Variants in PCDH15 observed in about 807,000 individuals in gnomAD.
The protein encoded by PCDH15 is protocadherin related 15, also known as protocadherin-15.
Under a neutral mutation model 178.5 loss-of-function variants are expected in PCDH15, and 129 were observed. The ratio of observed to expected loss-of-function variants is 0.72; its 90% CI spans 0.63 to 0.84. The LOEUF is 0.84. Among genes scored for constraint, PCDH15 ranks in the 40% least tolerant of loss-of-function variants. The probability of loss-of-function intolerance (pLI) is 0.00; values close to 1 mark genes in which losing one functional copy is unlikely to be tolerated. For missense variants in PCDH15, 2,230 were observed against 2,099.9 expected (o/e 1.06, Z -1.21); for synonymous variants, 800 against 732.0 (o/e 1.09, Z -1.50).
At chr10:54,095,472 T>C (rs2094684775) in intron 15 of PCDH15, among the ~76,000 whole-genome samples, 3 of 151,858 alleles carry the variant, frequency 2.0e-5, no homozygotes, top group African/African-American at 7.2e-5. Flanking sequence ...ATATGAAACT[T>C]GGAAATGTAG....
chr10:54,391,440 C>T (rs542680398), intron 3 of PCDH15, among the ~76,000 whole-genome samples: 1 of 152,034 alleles, frequency 6.6e-6, no homozygotes, highest in South Asian at 2.1e-4. Context: ...GGTGTACCAG[C>T]AAGAAAATGT....
At chr10:55,604,744 C>T (rs1308648807) in intron 2 of PCDH15, among the ~76,000 whole-genome samples, 2 of 136,350 alleles carry the variant, frequency 1.5e-5, no homozygotes, top group African/African-American at 5.7e-5. Context: ...GCATTCAAAG[C>T]AGTGTGTAGA....
At chr10:54,766,032 T>C (rs1201938192) in intron 1 of PCDH15, among the ~76,000 whole-genome samples, 1 of 147,794 alleles carries the variant, frequency 6.8e-6, no homozygotes. Flanking sequence ...TGTAATAAGA[T>C]GTGCAGTGTC....
chr10:55,071,480 A>G lies in PCDH15; in HGVS notation c.-80+95096T>C, dbSNP rs1841745176. Among the ~76,000 whole-genome samples the G allele has an allele frequency of 2.6e-5, 4 of 152,258 alleles. No homozygotes were observed. In the South Asian group the frequency reaches 8.3e-4, roughly 32 times the overall value. Reference sequence around the variant, plus strand: ...TGATAAAACAGACTTTAAACCAACAAAGATAAAAAGAGACAAAGAAGGCCA... The same window carrying G: ...TGATAAAACAGACTTTAAACCAACAGAGATAAAAAGAGACAAAGAAGGCCA... On this transcript the variant is annotated intron_variant, in intron 2 of 5. Transcript: ENST00000458638.
At chr10:53,927,780 T>A (rs1174061200) in intron 25 of PCDH15, among the ~76,000 whole-genome samples, 1 of 152,114 alleles carries the variant, frequency 6.6e-6, no homozygotes, top group Non-Finnish European at 1.5e-5. Flanking sequence ...TCTGCTATCA[T>A]CCACACAGCA....
intron 26 of PCDH15, among the ~76,000 whole-genome samples, chr10:53,893,181 G>GA (rs538795843): frequency 2.7e-4 from 40 of 148,082 alleles, no homozygotes; most frequent in African/African-American, 4.9e-4. Context: ...AGTTGTTCAG[G>GA]AAAAAAAAAA....
chr10:54,807,655 C>G (rs1564526371), intron 3 of PCDH15, among the ~76,000 whole-genome samples: 1 of 149,196 alleles, frequency 6.7e-6, no homozygotes, highest in African/African-American at 2.4e-5. Flanking sequence ...AAAACTATTA[C>G]TACATACAAG....
intron 3 of PCDH15, among the ~76,000 whole-genome samples, chr10:54,395,405 C>T (rs1398295198): frequency 2.1e-5 from 3 of 145,538 alleles, no homozygotes; most frequent in African/African-American, 7.5e-5. Context: ...ACTATTATTC[C>T]TGTCTATCTC....
intron 8 of PCDH15, among the ~76,000 whole-genome samples, chr10:54,250,195 A>G (rs137911655): frequency 6.6e-6 from 1 of 150,706 alleles, no homozygotes; most frequent in Non-Finnish European, 1.5e-5. Context: ...GGCATGAGTG[A>G]CTGCACCTGG....
At chr10:54,340,723 G>A (rs1445673342) in intron 6 of PCDH15, among the ~76,000 whole-genome samples, 1 of 152,068 alleles carries the variant, frequency 6.6e-6, no homozygotes, top group East Asian at 1.9e-4. Flanking sequence ...TCACTTGGGG[G>A]TTTTCTACAT....
intron 1 of PCDH15, among the ~76,000 whole-genome samples, chr10:55,263,721 T>A (rs190506817): frequency 0.019 from 2,529 of 135,098 alleles, 40 homozygotes; most frequent in Non-Finnish European, 0.029. Context: ...CTGTATTTTT[T>A]AATTTATTTT....
chr10:55,554,402 A>T (rs897235571), intron 2 of PCDH15, among the ~76,000 whole-genome samples: 14 of 152,010 alleles, frequency 9.2e-5, no homozygotes, highest in African/African-American at 3.4e-4. Context: ...AATTACAGAG[A>T]TCTCATATTC....
intron 2 of PCDH15, among the ~76,000 whole-genome samples, chr10:55,077,887 C>G (rs1841947940): frequency 6.6e-6 from 1 of 152,050 alleles, no homozygotes; most frequent in Admixed American, 6.6e-5. Flanking sequence ...TTTTTCTCTT[C>G]TTTATTTGTG....
chr10:55,368,229 T>C (rs1845414222), intron 2 of PCDH15, among the ~76,000 whole-genome samples: 1 of 152,112 alleles, frequency 6.6e-6, no homozygotes, highest in African/African-American at 2.4e-5. Flanking sequence ...TAATCAACAA[T>C]GGCAAGGAAC....
At chr10:55,108,327 A>G (rs1021483142) in intron 2 of PCDH15, among the ~76,000 whole-genome samples, 1 of 152,216 alleles carries the variant, frequency 6.6e-6, no homozygotes, top group Admixed American at 6.5e-5. Flanking sequence ...AGCATTATTT[A>G]TATTCAAATA....
chr10:54,436,839 T>C (rs2075454772), intron 3 of PCDH15, among the ~76,000 whole-genome samples: 1 of 152,146 alleles, frequency 6.6e-6, no homozygotes, highest in Non-Finnish European at 1.5e-5. Flanking sequence ...AATCTAACAT[T>C]GGTGGAAAAT....
At position 54,681,992 on chromosome 10, in the gene PCDH15, G is replaced by A. The variant is rs78217146; in HGVS notation, c.-28-17702C>T. ...AGTTTGCGGATGAGAAAGATGTATCGGAGCTTTGAGGATAAAGAGAATGTA... is the reference window on the plus strand; with the variant it reads ...AGTTTGCGGATGAGAAAGATGTATCAGAGCTTTGAGGATAAAGAGAATGTA... On this transcript the variant is annotated intron_variant, in intron 1 of 37. Transcript: ENST00000644397. Among the ~76,000 whole-genome samples, 97 of 152,210 alleles carry A rather than the reference G, an allele frequency of 6.4e-4. 2 individuals carry two copies. The highest frequency in any genetic ancestry group is 5.0e-3 in the East Asian group (26 of 5,170).
intron 2 of PCDH15, among the ~76,000 whole-genome samples, chr10:55,326,775 T>A (rs1371951812): frequency 6.6e-6 from 1 of 151,942 alleles, no homozygotes; most frequent in Middle Eastern, 3.2e-3. Context: ...AAAGGTATAC[T>A]GTAAAAAAAA....
At chr10:54,247,465 C>G (rs1208196822) in intron 8 of PCDH15, among the ~76,000 whole-genome samples, 1 of 151,982 alleles carries the variant, frequency 6.6e-6, no homozygotes, top group African/African-American at 2.4e-5. Flanking sequence ...GCCTTGCTCT[C>G]TGAATTTCTG....
Sources: gnomAD v4.1 joint callset for allele counts (sites outside exome capture counted in the v4.1 genomes callset) on GRCh38, gnomAD v4.1.1 for gene constraint, MANE v1.5 for transcripts, NCBI Gene and HGNC (gene_info 2026-07-23, HGNC 2026-07-21) for gene names.